The following ZNF107 variants were observed in gnomAD, a reference collection of about 807,000 sequenced individuals.
ZNF107 encodes the protein C2H2 type zinc-finger protein.
A neutral mutation model predicts 12.3 loss-of-function variants in ZNF107; 19 were observed. That is an observed-to-expected ratio of 1.55 (90% CI 1.08 to 2.27). ZNF107 has a LOEUF of 2.27. ZNF107 is among the 30% of genes most tolerant of loss of function. The probability of loss-of-function intolerance (pLI) is 0.00; values close to 1 mark genes in which losing one functional copy is unlikely to be tolerated. For synonymous variants in ZNF107, 317 were observed against 330.5 expected, an observed-to-expected ratio of 0.96 and a Z score of 0.44; for missense variants, 958 against 979.9, an observed-to-expected ratio of 0.98 and a Z score of 0.30.
intron 1 of ZNF107, among the ~76,000 whole-genome samples, chr7:64,672,500 A>T (rs916361360): frequency 2.0e-5 from 3 of 151,980 alleles, no homozygotes; most frequent in African/African-American, 7.3e-5. Flanking sequence ...GGAACTACAG[A>T]TGTGTATCAT....
intron 1 of ZNF107, among the ~76,000 whole-genome samples, chr7:64,677,469 G>A (rs1462090983): frequency 1.3e-4 from 3 of 23,614 alleles, no homozygotes; most frequent in East Asian, 1.5e-3. Flanking sequence ...ACCGCACCTC[G>A]CCGGATTTTT....
Position 64,691,969 on chromosome 7 carries a change from G to C in ZNF107, c.226+9G>C, listed in dbSNP as rs1375703542. 2.0e-6 allele frequency: 3 copies of C among 1,489,446 alleles called. No homozygotes were observed. The highest frequency in any genetic ancestry group is 2.7e-6 in the Non-Finnish European group (3 of 1,115,272). The allele number at this position is 1,489,446 out of a possible 1,614,324, so 92.3% of individuals were successfully genotyped here. On this transcript the variant is annotated intron_variant, in intron 3 of 3. Coordinates refer to ENST00000620827, the MANE Select transcript of ZNF107 (RefSeq NM_001282359.2). ...GGTAGCCAAACCCCCAGGTAGGTGA[G>C]AGTGAAAGTGAATACAACAGATGAC...
chr7:64,672,128 C>T (rs553620087), intron 1 of ZNF107, among the ~76,000 whole-genome samples: 2 of 152,112 alleles, frequency 1.3e-5, no homozygotes, highest in East Asian at 1.9e-4. Flanking sequence ...TCAGCTAGGC[C>T]TCTGTTGTTC....
Position 64,700,534 on chromosome 7 carries a change from T to C in ZNF107, c.227-5790T>C, listed in dbSNP as rs1052965581. ...TTTTTTTTTTTTTTTTTTTTTTTTT[T>C]TGAGACTGAGTCTTCCTCTGTTGCC... is the stretch of plus-strand genomic sequence containing the variant. On this transcript the variant is annotated intron_variant, in intron 3 of 3. Transcript: ENST00000620827. Among the ~76,000 whole-genome samples the C allele has an allele frequency of 6.7e-3, 250 of 37,106 alleles. 1 individual carries two copies. Among genetic ancestry groups the C allele is most frequent in the African/African-American group, 0.022 (242 of 10,942 alleles). 24.3% of individuals were successfully genotyped at this position (37,106 alleles called of 152,430 possible). A position where few individuals can be genotyped will look rare whatever the true frequency, so the allele number is the denominator to read the frequency against.
Position 64,699,121 on chromosome 7 carries a change from T to C in ZNF107, c.226+7161T>C, listed in dbSNP as rs1283323499. ...ATCAGGAAGTATAATGCCTCTTTGT[T>C]TTTTTCCATGGGTGTTATAGTTTAT... On this transcript the variant is annotated intron_variant, in intron 3 of 3. Coordinates refer to ENST00000620827, the MANE Select transcript of ZNF107 (RefSeq NM_001282359.2). 4.6e-5 allele frequency among the ~76,000 whole-genome samples: 7 copies of C among 151,924 alleles called. No individual in the cohort carries two copies. The East Asian group carries it at 1.3e-3, about 29-fold the overall frequency.
chr7:64,709,585 G>A lies in ZNF107; in HGVS notation c.*929G>A, dbSNP rs114237088. The A allele has an allele frequency of 1.3e-3, 515 of 403,926 alleles. 3 individuals carry two copies. Among genetic ancestry groups the A allele is most frequent in the African/African-American group, 0.011 (491 of 46,140 alleles). The allele number at this position is 403,926 out of a possible 1,614,324, so 25.0% of individuals were successfully genotyped here. ...AAATGGTTGTCACACTTGATTGTAG[G>A]TAAGAATCCATACTGAAGAAAACTC... is the stretch of plus-strand genomic sequence containing the variant. On this transcript the variant is annotated 3_prime_UTR_variant, in exon 4 of 4. Coordinates refer to ENST00000620827, the MANE Select transcript of ZNF107 (RefSeq NM_001282359.2).
At position 64,711,176 on chromosome 7, in the gene ZNF107, A is replaced by G. The variant is rs1248647154; in HGVS notation, c.*2520A>G. 6.6e-6 allele frequency: 1 copy of G among 152,214 alleles called. No individual in the cohort carries two copies. The highest frequency in any genetic ancestry group is 1.5e-5 in the Non-Finnish European group (1 of 68,018). The allele number at this position is 152,214 out of a possible 1,614,324, so 9.4% of individuals were successfully genotyped here. A position where few individuals can be genotyped will look rare whatever the true frequency, so the allele number is the denominator to read the frequency against. On this transcript the variant is annotated 3_prime_UTR_variant, in exon 4 of 4. Transcript: ENST00000620827. Reference sequence around the variant, plus strand: ...AGGTAAAAGAGGGTAACAGTATACTACTTGATAACATAATGGGCTAACATC... The same window carrying G: ...AGGTAAAAGAGGGTAACAGTATACTGCTTGATAACATAATGGGCTAACATC...
Position 64,696,099 on chromosome 7 carries a change from G to A in ZNF107, c.226+4139G>A, listed in dbSNP as rs535554120. Among the ~76,000 whole-genome samples, 5 of 151,366 alleles carry A rather than the reference G, an allele frequency of 3.3e-5. No homozygotes were observed. The South Asian group carries it at 1.0e-3, about 32-fold the overall frequency. On this transcript the variant is annotated intron_variant, in intron 3 of 3. Transcript: ENST00000620827. ...TTTTTTTTAGATGGAGTCTCGCTCT[G>A]TTGCCCAGCTAAACATGATCTTGGC...
chr7:64,703,414 T>A (rs1266989347), intron 3 of ZNF107, among the ~76,000 whole-genome samples: 1 of 152,222 alleles, frequency 6.6e-6, no homozygotes, highest in Non-Finnish European at 1.5e-5. Flanking sequence ...AACATTTAGT[T>A]ATATTTGAAT....
Position 64,700,383 on chromosome 7 carries a change from G to A in ZNF107, c.227-5941G>A, listed in dbSNP as rs552413700. 3.4e-4 allele frequency among the ~76,000 whole-genome samples: 52 copies of A among 151,948 alleles called. 1 individual carries two copies. Among genetic ancestry groups the A allele is most frequent in the Admixed American group, 1.7e-3 (26 of 15,226 alleles). On this transcript the variant is annotated intron_variant, in intron 3 of 3. Transcript: ENST00000620827. ...TCCTCTGTCTATTACCATGTGATAT[G>A]TGTATGTTCAGTTATTCTTTGCCTT...
At chr7:64,681,609 C>T (rs1314389412) in intron 1 of ZNF107, among the ~76,000 whole-genome samples, 1 of 152,048 alleles carries the variant, frequency 6.6e-6, no homozygotes, top group African/African-American at 2.4e-5. Flanking sequence ...GATCACTCCC[C>T]CCTTATCATC....
chr7:64,693,932 A>G (rs778362838), intron 3 of ZNF107, among the ~76,000 whole-genome samples: 3 of 151,920 alleles, frequency 2.0e-5, no homozygotes, highest in Non-Finnish European at 4.4e-5. Context: ...GGGATTACAG[A>G]TGTGTGCCAC....
chr7:64,708,592 TTAC>T lies in ZNF107; in HGVS notation c.2499_2501del (p.Thr834del). The T allele has an allele frequency of 6.2e-7, 1 of 1,611,462 alleles. No individual in the cohort carries two copies. On this transcript the variant is annotated inframe_deletion, in exon 4 of 4. Coordinates refer to ENST00000620827, the MANE Select transcript of ZNF107 (RefSeq NM_001282359.2). ...AGAGCTTTCAACCTATCCTCAAATC[TTAC>T]TACACATAAGAAAATTCATACTGGA... is the stretch of plus-strand genomic sequence containing the variant.
At chr7:64,701,562 A>G (rs1200874089) in intron 3 of ZNF107, among the ~76,000 whole-genome samples, 1 of 151,536 alleles carries the variant, frequency 6.6e-6, no homozygotes, top group Admixed American at 6.6e-5. Context: ...TATAGGCAGC[A>G]TATTGTATGC....
Position 64,671,779 on chromosome 7 carries a change from C to CTTT in ZNF107, c.3+5512_3+5514dup, listed in dbSNP as rs1213610930. On this transcript the variant is annotated intron_variant, in intron 1 of 3. Transcript: ENST00000620827. ...AAGTATTTTTTTGATCCTTTTTGTT[C>CTTT]TTTTTTTTTTTTTTTTTTTTGAGGC... 8.1e-4 allele frequency among the ~76,000 whole-genome samples: 94 copies of CTTT among 116,534 alleles called. 1 individual carries two copies. The highest frequency in any genetic ancestry group is 1.8e-3 in the African/African-American group (56 of 30,418). 76.5% of individuals were successfully genotyped at this position (116,534 alleles called of 152,430 possible). A position where few individuals can be genotyped will look rare whatever the true frequency, so the allele number is the denominator to read the frequency against.
chr7:64,699,936 G>A (rs1475099640), intron 3 of ZNF107, among the ~76,000 whole-genome samples: 4 of 151,310 alleles, frequency 2.6e-5, no homozygotes, highest in Non-Finnish European at 5.9e-5. Flanking sequence ...GCTTGGTAGC[G>A]GGTGCCTGTA....
At chr7:64,676,858 GTTATC>G (rs1205588590) in intron 1 of ZNF107, among the ~76,000 whole-genome samples, 1 of 152,004 alleles carries the variant, frequency 6.6e-6, no homozygotes. Context: ...TTTTGTCTAT[GTTATC>G]TTATGTAAAA....
rs1261329244 is a variant in ZNF107, at chr7:64,707,089, A to G, written c.992A>G (p.His331Arg). ...AFNLFSNLTN[H>R]KRIHAGEKPY... ...AACCTATTCTCAAATCTTACTAACC[A>G]TAAGAGAATTCATGCTGGGGAGAAA... Residue 331 changes from histidine to arginine, a missense_variant, in exon 4 of 4, where the codon CAT (histidine) becomes CGT (arginine). His to Arg is a conservative substitution (Grantham distance 29). Coordinates refer to ENST00000620827, the MANE Select transcript of ZNF107 (RefSeq NM_001282359.2). 14 of 1,612,402 alleles carry G rather than the reference A, an allele frequency of 8.7e-6. No homozygotes were observed. Among genetic ancestry groups the G allele is most frequent in the African/African-American group, 1.3e-5 (1 of 74,828 alleles).
rs1280987342 is a variant in ZNF107, at chr7:64,707,490, C to T, written c.1393C>T (p.His465Tyr). ...AGAATGTGGCAAAGCTTTTAACCAACACTCAAACCTAATTAACCATAGGAA... is the reference window on the plus strand; with the variant it reads ...AGAATGTGGCAAAGCTTTTAACCAATACTCAAACCTAATTAACCATAGGAA... ...CEECGKAFNQ[H>Y]SNLINHRKIY... Residue 465 changes from histidine (H) to tyrosine (Y), a missense_variant, in exon 4 of 4, where the codon CAC becomes TAC. Coordinates refer to ENST00000620827, the MANE Select transcript of ZNF107 (RefSeq NM_001282359.2). 1 of 1,610,782 alleles carries T rather than the reference C, an allele frequency of 6.2e-7. No homozygotes were observed. Among genetic ancestry groups the T allele is most frequent in the Non-Finnish European group, 8.5e-7 (1 of 1,178,916 alleles).
Sources: gnomAD v4.1 joint callset for allele counts (sites outside exome capture counted in the v4.1 genomes callset) on GRCh38, gnomAD v4.1.1 for gene constraint, MANE v1.5 for transcripts, NCBI Gene and HGNC (gene_info 2026-07-23, HGNC 2026-07-21) for gene names.